The following RBAK variants were observed in gnomAD, a reference collection of about 807,000 sequenced individuals.
RBAK encodes RB associated KRAB zinc finger.
RBAK carries 39 observed loss-of-function variants against 65.8 expected under a neutral mutation model. That is an observed-to-expected ratio of 0.59 (90% CI 0.46 to 0.77). RBAK has a LOEUF of 0.77. RBAK is among the 30% of genes least tolerant of loss of function. RBAK has a pLI of 0.00. For missense variants in RBAK, 884 were observed against 855.1 expected (o/e 1.03, Z -0.42); for synonymous variants, 343 against 289.7 (o/e 1.18, Z -1.87).
Position 5,064,580 on chromosome 7 carries a change from G to T in RBAK, c.1124G>T (p.Cys375Phe). The T allele has an allele frequency of 6.2e-7, 1 of 1,614,102 alleles. No individual in the cohort carries two copies. Among genetic ancestry groups the T allele is most frequent in the Non-Finnish European group, 8.5e-7 (1 of 1,179,990 alleles). ...CATTCAGGAGAGAGGCCCTATCCATGTAACGAATGTGGGAAATCCTTCTCC... is the reference window on the plus strand; with the variant it reads ...CATTCAGGAGAGAGGCCCTATCCATTTAACGAATGTGGGAAATCCTTCTCC... ...RNHSGERPYP[C>F]NECGKSFSRK... The change falls in exon 5 of 5, where the codon TGT becomes TTT. Residue 375 changes from cysteine to phenylalanine, a missense_variant. Transcript: ENST00000396912. This position sits in a 1 kb window ranked among gnomAD's most constrained non-coding sequence, Gnocchi z 6.3.
At chr7:5,047,636 GTC>G (rs1437550440) in intron 1 of RBAK, among the ~76,000 whole-genome samples, 6 of 109,930 alleles carry the variant, frequency 5.5e-5, no homozygotes, top group Admixed American at 2.6e-4. Context: ...TTGAGACAGT[GTC>G]TCTCACCCAG....
intron 4 of RBAK, among the ~76,000 whole-genome samples, chr7:5,059,412 C>T (rs1328887719): frequency 1.3e-5 from 2 of 152,108 alleles, no homozygotes; most frequent in Non-Finnish European, 1.5e-5. Context: ...CCTCCCCCTC[C>T]CAGGTTCAAG....
chr7:5,065,577 C>T lies in RBAK; in HGVS notation c.2121C>T (p.Asn707=), dbSNP rs36026500. 0.13 allele frequency: 201,364 copies of T among 1,532,304 alleles called. 16,027 individuals carry two copies. Among genetic ancestry groups the T allele is most frequent in the East Asian group, 0.38 (16,958 of 44,060 alleles). 94.9% of individuals were successfully genotyped at this position (1,532,304 alleles called of 1,614,324 possible). ...GAATTCATAGAAGAGGAAATATGAA[C>T]GTACTTGATGTGGAAAATCTCTGAA... The part of the protein sequence containing the change: ...HQRIHRRGNM[N]VLDVENL The change falls in exon 5 of 5, where the codon AAC becomes AAT. Residue 707 remains asparagine (N), a synonymous_variant. Coordinates refer to ENST00000396912, the MANE Select transcript of RBAK (RefSeq NM_021163.4). The surrounding 1 kb of genome is among the most constrained non-coding windows in gnomAD (Gnocchi z 5.3).
chr7:5,057,471 C>A lies in RBAK; in HGVS notation c.142+50C>A, dbSNP rs762705514. On this transcript the variant is annotated intron_variant, in intron 3 of 4. Transcript: ENST00000396912. ...GCTCTCAGTTGAATGGGGTTTTATC[C>A]TTGAGTTTGAAGAAATAAGTGATGA... 21 of 1,613,932 alleles carry A rather than the reference C, an allele frequency of 1.3e-5. 1 individual carries two copies. In the South Asian group the frequency reaches 2.3e-4, roughly 18 times the overall value.
intron 2 of RBAK, among the ~76,000 whole-genome samples, chr7:5,054,488 T>C (rs1468869074): frequency 1.3e-5 from 2 of 152,088 alleles, no homozygotes; most frequent in Non-Finnish European, 2.9e-5. Flanking sequence ...GTTGCTGCTG[T>C]TCTTTGTTAT....
intron 2 of RBAK, among the ~76,000 whole-genome samples, chr7:5,055,887 A>G (rs549440488): frequency 8.0e-4 from 122 of 152,132 alleles, no homozygotes; most frequent in Non-Finnish European, 1.3e-3. Context: ...TGCCTCTGCT[A>G]TCTCTTGGGA....
In RBAK at chr7:5,057,422, G is replaced by A; in HGVS notation, c.142+1G>A. Reference sequence around the variant, plus strand: ...AACTATAGCCATCTAGTTTCTGTGGGTGAGAATAGCTTGCTTTCTGAATGC... The same window carrying A: ...AACTATAGCCATCTAGTTTCTGTGGATGAGAATAGCTTGCTTTCTGAATGC... On this transcript the variant is annotated splice_donor_variant, in intron 3 of 4. Transcript: ENST00000396912. LOFTEE classifies it high-confidence loss of function. The A allele has an allele frequency of 6.2e-7, 1 of 1,614,096 alleles. No individual in the cohort carries two copies. Among genetic ancestry groups the A allele is most frequent in the Non-Finnish European group, 8.5e-7 (1 of 1,180,002 alleles).
chr7:5,049,850 C>CATAG (rs1256891568), intron 2 of RBAK, among the ~76,000 whole-genome samples: 2 of 151,990 alleles, frequency 1.3e-5, no homozygotes, highest in Non-Finnish European at 2.9e-5. Context: ...CAGCCTCCTG[C>CATAG]ATAGCTACAG....
rs767192467 is a variant in RBAK, at chr7:5,064,211, A to C, written c.755A>C (p.Gln252Pro). 6.2e-7 allele frequency: 1 copy of C among 1,614,048 alleles called. No homozygotes were observed. Among genetic ancestry groups the C allele is most frequent in the Non-Finnish European group, 8.5e-7 (1 of 1,179,984 alleles). The stretch of plus-strand genomic sequence containing the variant: ...CAGATGTCAAATTTTAATGCATATC[A>C]GAGATCACAAATGGAAATGAAGCCC... ...FIQMSNFNAY[Q>P]RSQMEMKPFE... The change falls in exon 5 of 5, where the codon CAG becomes CCG. Residue 252 changes from glutamine (Q) to proline (P), a missense_variant. Coordinates refer to ENST00000396912, the MANE Select transcript of RBAK (RefSeq NM_021163.4). This position sits in a 1 kb window ranked among gnomAD's most constrained non-coding sequence, Gnocchi z 6.3.
chr7:5,064,793 T>C lies in RBAK; in HGVS notation c.1337T>C (p.Ile446Thr), dbSNP rs1562540888. ...KFFSRVSYLT[I>T]HYRSHLEEKP... ...TTTTCTCGGGTGTCATACCTCACTA[T>C]ACATTATAGAAGTCATTTAGAAGAG... is the stretch of plus-strand genomic sequence containing the variant. Residue 446 changes from isoleucine to threonine, a missense_variant, in exon 5 of 5, where the codon ATA becomes ACA. By Grantham distance (89) the Ile-to-Thr change is moderately conservative (BLOSUM62 -1). Coordinates refer to ENST00000396912, the MANE Select transcript of RBAK (RefSeq NM_021163.4). The surrounding 1 kb of genome is among the most constrained non-coding windows in gnomAD (Gnocchi z 6.3). 1 of 1,614,104 alleles carries C rather than the reference T, an allele frequency of 6.2e-7. No homozygotes were observed. The highest frequency in any genetic ancestry group is 8.5e-7 in the Non-Finnish European group (1 of 1,179,940).
Position 5,065,024 on chromosome 7 carries a change from AT to A in RBAK, c.1570del (p.Ser524GlnfsTer183), listed in dbSNP as rs779122946. On this transcript the variant is annotated frameshift_variant, in exon 5 of 5. Coordinates refer to ENST00000396912, the MANE Select transcript of RBAK (RefSeq NM_021163.4). LOFTEE classifies it high-confidence loss of function. The surrounding 1 kb of genome is among the most constrained non-coding windows in gnomAD (Gnocchi z 5.3). ...CNECGKTFLV[N>X]SAFDGHQPLP... is the part of the protein sequence containing the mutation. The stretch of plus-strand genomic sequence containing the variant: ...GAATGTGGGAAAACCTTCCTTGTAA[AT>A]TCAGCCTTCGATGGGCACCAGCCAC... The A allele has an allele frequency of 6.2e-7, 1 of 1,613,894 alleles. No individual in the cohort carries two copies. The highest frequency in any genetic ancestry group is 1.1e-5 in the South Asian group (1 of 91,036).
At chr7:5,057,136 C>G (rs947811526) in intron 2 of RBAK, 159 bp from the exon 3 acceptor site, 2 of 790,316 alleles carry the variant, frequency 2.5e-6, no homozygotes, top group African/African-American at 1.8e-5. Flanking sequence ...TATTATAACC[C>G]CAAAGGATAT....
In RBAK at chr7:5,065,456, C is replaced by G. The variant is rs140727739; in HGVS notation, c.2000C>G (p.Thr667Ser). ...GTCTTTTCTCAGAAGTCATACCTCA[C>G]TGTACACTATAGAACTCATTCAGGA... The part of the protein sequence containing the change: ...GKVFSQKSYL[T>S]VHYRTHSGEK... Residue 667 changes from threonine (T) to serine (S), a missense_variant, in exon 5 of 5, where the codon ACT becomes AGT. Coordinates refer to ENST00000396912, the MANE Select transcript of RBAK (RefSeq NM_021163.4). The surrounding 1 kb of genome is among the most constrained non-coding windows in gnomAD (Gnocchi z 5.3). The G allele has an allele frequency of 1.2e-6, 2 of 1,613,640 alleles. No homozygotes were observed. Among genetic ancestry groups the G allele is most frequent in the African/African-American group, 2.7e-5 (2 of 74,992 alleles).
At chr7:5,059,750 G>A (rs541608924) in intron 4 of RBAK, among the ~76,000 whole-genome samples, 7 of 152,256 alleles carry the variant, frequency 4.6e-5, no homozygotes, top group African/African-American at 1.4e-4. Flanking sequence ...TTTACAGTCC[G>A]ATAGGATTAT....
intron 4 of RBAK, among the ~76,000 whole-genome samples, chr7:5,059,156 G>C (rs1020289901): frequency 1.3e-5 from 2 of 152,126 alleles, no homozygotes; most frequent in African/African-American, 2.4e-5. Flanking sequence ...AGCACATTCT[G>C]TTTCTTTCGA....
rs1432175373 is a variant in RBAK, at chr7:5,068,188, A to G, written c.*2587A>G. 1 of 152,186 alleles carries G rather than the reference A, an allele frequency of 6.6e-6. No homozygotes were observed. The highest frequency in any genetic ancestry group is 1.5e-5 in the Non-Finnish European group (1 of 68,030). 9.4% of individuals were successfully genotyped at this position (152,186 alleles called of 1,614,324 possible). ...TATAAAGCAAGGCACCAGATGGTGAAAATTTTCAGCTTTGTCACAACTGCT... is the reference window on the plus strand; with the variant it reads ...TATAAAGCAAGGCACCAGATGGTGAGAATTTTCAGCTTTGTCACAACTGCT... On this transcript the variant is annotated 3_prime_UTR_variant, in exon 5 of 5. Coordinates refer to ENST00000396912, the MANE Select transcript of RBAK (RefSeq NM_021163.4).
intron 2 of RBAK, among the ~76,000 whole-genome samples, chr7:5,053,234 C>G (rs757403795): frequency 1.3e-5 from 2 of 152,134 alleles, no homozygotes; most frequent in African/African-American, 4.8e-5. Flanking sequence ...CTGCAAATGT[C>G]TTCATTGTGT....
At chr7:5,049,899 A>T (rs1788078939) in intron 2 of RBAK, among the ~76,000 whole-genome samples, 1 of 151,916 alleles carries the variant, frequency 6.6e-6, no homozygotes, top group Admixed American at 6.6e-5. Flanking sequence ...TTTATATTTT[A>T]GTAGAGACTG....
At chr7:5,054,405 CAAAA>C (rs35087089) in intron 2 of RBAK, among the ~76,000 whole-genome samples, 3 of 103,782 alleles carry the variant, frequency 2.9e-5, no homozygotes, top group African/African-American at 6.3e-5. Flanking sequence ...GACTTTGCCT[CAAAA>C]AAAAAAAAAA....
Sources: allele counts gnomAD v4.1 joint callset (sites outside exome capture counted in the v4.1 genomes callset), GRCh38; gene constraint gnomAD v4.1.1; non-coding constraint Gnocchi (gnomAD v3.1); transcripts MANE v1.5; gene names NCBI Gene and HGNC (gene_info 2026-07-23, HGNC 2026-07-21).